The following ARHGEF26 variants were observed in gnomAD, a reference collection of about 807,000 sequenced individuals.
The protein encoded by ARHGEF26 is Rho guanine nucleotide exchange factor 26.
A neutral mutation model predicts 89.4 loss-of-function variants in ARHGEF26; 59 were observed. The ratio of observed to expected loss-of-function variants is 0.66; its 90% CI spans 0.54 to 0.82. ARHGEF26 has a LOEUF of 0.82. Among genes scored for constraint, ARHGEF26 ranks in the 40% least tolerant of loss-of-function variants. The probability of loss-of-function intolerance (pLI) is 0.00; values close to 1 mark genes in which losing one functional copy is unlikely to be tolerated. For synonymous variants in ARHGEF26, 500 were observed against 428.4 expected, an observed-to-expected ratio of 1.17 and a Z score of -2.06; for missense variants, 1,234 against 1,085.6, an observed-to-expected ratio of 1.14 and a Z score of -1.92.
intron 6 of ARHGEF26, among the ~76,000 whole-genome samples, chr3:154,163,794 A>G (rs1403840925): frequency 6.6e-6 from 1 of 152,228 alleles, no homozygotes; most frequent in East Asian, 1.9e-4. Context: ...TAGCATAAGC[A>G]GTCTGTGAAT....
intron 4 of ARHGEF26, among the ~76,000 whole-genome samples, chr3:154,144,419 T>C (rs766711950): frequency 1.3e-5 from 2 of 152,192 alleles, no homozygotes; most frequent in Non-Finnish European, 2.9e-5. Flanking sequence ...ACATTTGATA[T>C]AATGGTAGTT....
intron 4 of ARHGEF26, among the ~76,000 whole-genome samples, chr3:154,139,795 C>T (rs1408918925): frequency 6.6e-6 from 1 of 152,118 alleles, no homozygotes; most frequent in Non-Finnish European, 1.5e-5. Flanking sequence ...TGTTAATTCT[C>T]TAGATTATTA....
intron 11 of ARHGEF26, among the ~76,000 whole-genome samples, chr3:154,239,287 AGAGAGAGAGAGAGT>A (rs1717325153): frequency 4.6e-4 from 48 of 104,304 alleles, no homozygotes; most frequent in African/African-American, 1.8e-3. Context: ...AGAGAGAGAG[AGAGAGAGAGAGAGT>A]GTGTGTGTGT....
chr3:154,123,103 C>T, intron 2 of ARHGEF26, 28 bp downstream of exon 2: 1 of 1,610,002 alleles, frequency 6.2e-7, no homozygotes, highest in Non-Finnish European at 8.5e-7. Flanking sequence ...TGTGGCACGC[C>T]ATTCACTAAG....
rs557931152 is a variant in ARHGEF26, at chr3:154,256,522, C to A, written c.*1049C>A. The A allele has an allele frequency of 1.0e-6, 1 of 952,798 alleles. No individual in the cohort carries two copies. The highest frequency in any genetic ancestry group is 4.9e-5 in the South Asian group (1 of 20,510). The allele number at this position is 952,798 out of a possible 1,614,324, so 59.0% of individuals were successfully genotyped here. A position where few individuals can be genotyped will look rare whatever the true frequency, so the allele number is the denominator to read the frequency against. On this transcript the variant is annotated 3_prime_UTR_variant, in exon 15 of 15. Coordinates refer to ENST00000465093, the MANE Select transcript of ARHGEF26 (RefSeq NM_015595.4). The stretch of plus-strand genomic sequence containing the variant: ...TGCTGGGATTATAGGCATGAGCCAC[C>A]GTGCCCAGCCTACTTTCTAATTAAT...
chr3:154,138,242 A>AT (rs11398634), intron 4 of ARHGEF26, among the ~76,000 whole-genome samples: 137,635 of 152,124 alleles, frequency 0.9, 62,438 homozygotes, highest in East Asian at 1. Flanking sequence ...ATACATGTAA[A>AT]TTTTTTTAAT....
At chr3:154,208,912 C>T (rs773848391) in intron 9 of ARHGEF26, among the ~76,000 whole-genome samples, 1 of 151,824 alleles carries the variant, frequency 6.6e-6, no homozygotes, top group African/African-American at 2.4e-5. Flanking sequence ...ATTACAGGCA[C>T]ATACCACCAT....
At chr3:154,191,476 T>C (rs1345853270) in intron 8 of ARHGEF26, 58 bp downstream of exon 8, 1 of 1,546,682 alleles carries the variant, frequency 6.5e-7, no homozygotes, top group Non-Finnish European at 8.7e-7. Flanking sequence ...TAAATCTGAT[T>C]TAGAAAATTA....
intron 11 of ARHGEF26, among the ~76,000 whole-genome samples, chr3:154,239,125 T>C (rs1201345700): frequency 4.0e-5 from 6 of 151,826 alleles, no homozygotes; most frequent in Non-Finnish European, 8.8e-5. Context: ...GTGGCTGAAG[T>C]AGGGCAGAAA....
At chr3:154,130,538 C>T (rs1003638746) in intron 4 of ARHGEF26, among the ~76,000 whole-genome samples, 12 of 152,102 alleles carry the variant, frequency 7.9e-5, no homozygotes, top group African/African-American at 2.9e-4. Context: ...TTTTTGTATG[C>T]CTGTCTCTGA....
intron 4 of ARHGEF26, among the ~76,000 whole-genome samples, chr3:154,144,236 G>A (rs573885674): frequency 6.6e-6 from 1 of 152,134 alleles, no homozygotes; most frequent in Non-Finnish European, 1.5e-5. Flanking sequence ...TCAGGCTTTG[G>A]GGGTGGACAG....
chr3:154,166,875 T>C (rs1365808331), intron 6 of ARHGEF26, among the ~76,000 whole-genome samples: 1 of 152,198 alleles, frequency 6.6e-6, no homozygotes, highest in Admixed American at 6.5e-5. Flanking sequence ...TCCCCCTGTA[T>C]GACTGGTTTG....
At chr3:154,162,620 A>C (rs968408414) in intron 6 of ARHGEF26, among the ~76,000 whole-genome samples, 2 of 152,068 alleles carry the variant, frequency 1.3e-5, no homozygotes, top group Non-Finnish European at 2.9e-5. Flanking sequence ...TTCTCCAGGT[A>C]GTCAGGTTTC....
intron 9 of ARHGEF26, among the ~76,000 whole-genome samples, chr3:154,204,452 A>G (rs1210333296): frequency 6.7e-6 from 1 of 148,928 alleles, no homozygotes; most frequent in Non-Finnish European, 1.5e-5. Flanking sequence ...CTCATGCCTC[A>G]GCCTCTCAAG....
chr3:154,149,664 AT>A (rs1719900668), intron 5 of ARHGEF26, among the ~76,000 whole-genome samples: 2 of 152,226 alleles, frequency 1.3e-5, no homozygotes, highest in African/African-American at 2.4e-5. Context: ...ACATCGTTTG[AT>A]TTTAAACAAC....
At chr3:154,255,300 T>G (rs1718428624) in intron 14 of ARHGEF26, 31 bp from the exon 15 acceptor site, 1 of 1,600,836 alleles carries the variant, frequency 6.2e-7, no homozygotes, top group South Asian at 1.1e-5. Context: ...AAATACTTGT[T>G]GTTTGGTGTG....
At chr3:154,135,211 T>G (rs189079021) in intron 4 of ARHGEF26, among the ~76,000 whole-genome samples, 1 of 152,316 alleles carries the variant, frequency 6.6e-6, no homozygotes, top group Non-Finnish European at 1.5e-5. Flanking sequence ...GGTCCTGGGC[T>G]TTTCTTGGCT....
chr3:154,247,123 T>C (rs1356442086), intron 12 of ARHGEF26, among the ~76,000 whole-genome samples: 1 of 152,206 alleles, frequency 6.6e-6, no homozygotes, highest in Non-Finnish European at 1.5e-5. Context: ...TAACCCTTTT[T>C]TTGAGATTAT....
At position 154,196,254 on chromosome 3, in the gene ARHGEF26, C is replaced by T. The variant is rs888630134; in HGVS notation, c.1845+1536C>T. Among the ~76,000 whole-genome samples the T allele has an allele frequency of 4.6e-5, 7 of 152,026 alleles. No homozygotes were observed. The East Asian group carries it at 5.8e-4, about 13-fold the overall frequency. ...TGAAAGGGAAGTGAGAGAGGGTCTT[C>T]GTTAGTGTATTTGTTTAAAGATTAG... On this transcript the variant is annotated intron_variant, in intron 9 of 14. Coordinates refer to ENST00000465093, the MANE Select transcript of ARHGEF26 (RefSeq NM_015595.4).
Sources: allele counts gnomAD v4.1 joint callset (sites outside exome capture counted in the v4.1 genomes callset), GRCh38; gene constraint gnomAD v4.1.1; transcripts MANE v1.5; gene names NCBI Gene and HGNC (gene_info 2026-07-23, HGNC 2026-07-21).